The following CLIP1 variants were observed in gnomAD, a reference collection of about 807,000 sequenced individuals.
CLIP1 encodes CAP-Gly domain-containing linker protein 1.
CLIP1 carries 66 observed loss-of-function variants against 161.6 expected under a neutral mutation model. That is an observed-to-expected ratio of 0.41 (90% confidence interval 0.33 to 0.50). CLIP1 has a LOEUF of 0.50. Ranked by LOEUF, CLIP1 falls within the 20% of genes least tolerant of loss-of-function variation. The pLI, the probability that CLIP1 is intolerant of heterozygous loss-of-function variation, is 0.27. For missense variants in CLIP1, 1,376 were observed against 1,702.0 expected, an observed-to-expected ratio of 0.81 and a Z score of 3.37; for synonymous variants, 598 against 626.2, an observed-to-expected ratio of 0.96 and a Z score of 0.67.
At position 122,380,415 on chromosome 12, in the gene CLIP1, G is replaced by A. The variant is rs759464386; in HGVS notation, c.38C>T (p.Thr13Ile). Residue 13 changes from threonine to isoleucine, a missense_variant, in exon 2 of 26, where the codon ACC becomes ATC. Thr to Ile is a moderately conservative substitution (Grantham distance 89). Around this residue, in one of 6 missense-constraint regions of CLIP1, gnomAD observed 66 missense variants for 67.8 expected, o/e 0.97. Coordinates refer to ENST00000620786, the MANE Select transcript of CLIP1 (RefSeq NM_001247997.2). Reference sequence around the variant, plus strand: ...TGTGCTTCCAGGCTTCAGGATCTTGGTGGGGGCCTTAAGCCCACTTGGCTT... The same window carrying A: ...TGTGCTTCCAGGCTTCAGGATCTTGATGGGGGCCTTAAGCCCACTTGGCTT... ...MLKPSGLKAP[T>I]KILKPGSTAL... is the part of the protein sequence containing the mutation. 1 of 1,613,706 alleles carries A rather than the reference G, an allele frequency of 6.2e-7. No homozygotes were observed. The highest frequency in any genetic ancestry group is 1.7e-5 in the Admixed American group (1 of 59,956).
At chr12:122,405,714 G>A (rs1001577586) in intron 1 of CLIP1, among the ~76,000 whole-genome samples, 1 of 151,528 alleles carries the variant, frequency 6.6e-6, no homozygotes, top group Non-Finnish European at 1.5e-5. Flanking sequence ...CTTGAGCAAG[G>A]GAGGCAGAGG....
chr12:122,322,551 C>T (rs778929092), intron 17 of CLIP1: 2 of 152,634 alleles, frequency 1.3e-5, no homozygotes, highest in Non-Finnish European at 2.9e-5. Context: ...TCCTTCTCCT[C>T]GATTATCTCT....
At chr12:122,334,172 G>T in intron 13 of CLIP1, 62 bp from the exon 14 acceptor site, 1 of 1,038,516 alleles carries the variant, frequency 9.6e-7, no homozygotes, top group Non-Finnish European at 1.5e-6. Flanking sequence ...TCTGGAGCTT[G>T]GCTGTCTTAC....
At chr12:122,420,086 A>T (rs957836940) in intron 1 of CLIP1, among the ~76,000 whole-genome samples, 8 of 151,954 alleles carry the variant, frequency 5.3e-5, no homozygotes, top group African/African-American at 1.9e-4. Flanking sequence ...TCACACCTAT[A>T]ATCCCAGCAC....
chr12:122,279,067 G>C lies in CLIP1; in HGVS notation c.3726C>G (p.Leu1242=). 1.2e-6 allele frequency: 2 copies of C among 1,613,470 alleles called. No individual in the cohort carries two copies. The highest frequency in any genetic ancestry group is 8.5e-7 in the Non-Finnish European group (1 of 1,179,888). The change falls in exon 22 of 26, where the codon CTC becomes CTG. Residue 1242 remains leucine, a synonymous_variant. Transcript: ENST00000620786. This position sits in a 1 kb window ranked among gnomAD's most constrained non-coding sequence, Gnocchi z 4.5. ...TCTCCAGCTCGGCATCCTTTTCTGT[G>C]AGTAAGGCACTAGTTATACTGATGG... ...QKSISITSAL[L]TEKDAELEKL...
intron 1 of CLIP1, among the ~76,000 whole-genome samples, chr12:122,421,911 T>C (rs749002085): frequency 2.6e-5 from 4 of 152,226 alleles, no homozygotes; most frequent in Non-Finnish European, 5.9e-5. Context: ...AGCGGTGTGA[T>C]TTCGGAAACC....
rs1473646178 is a variant in CLIP1 at position 122,291,037 on chromosome 12, C to T, written c.3595-2496G>A. 4.6e-5 allele frequency among the ~76,000 whole-genome samples: 7 copies of T among 151,542 alleles called. No individual in the cohort carries two copies. The East Asian group carries it at 5.8e-4, about 13-fold the overall frequency. On this transcript the variant is annotated intron_variant, in intron 20 of 25. Coordinates refer to ENST00000620786, the MANE Select transcript of CLIP1 (RefSeq NM_001247997.2). The stretch of plus-strand genomic sequence containing the variant: ...CCTCCTAAGTAGCTGGGATTACAGG[C>T]GCTGCCACCATGCCTGGATCATTTT...
At chr12:122,317,481 G>A (rs909355596) in intron 18 of CLIP1, among the ~76,000 whole-genome samples, 2 of 152,190 alleles carry the variant, frequency 1.3e-5, no homozygotes, top group African/African-American at 4.8e-5. Flanking sequence ...GCAGCCAGCT[G>A]AGGGCCTGGC....
intron 8 of CLIP1, 71 bp downstream of exon 8, chr12:122,352,655 G>C: frequency 7.6e-7 from 1 of 1,313,786 alleles, no homozygotes; most frequent in Non-Finnish European, 1.1e-6. Flanking sequence ...CATTTCAATT[G>C]GTGCATTATT....
intron 20 of CLIP1, among the ~76,000 whole-genome samples, chr12:122,303,093 T>G (rs892250291): frequency 1.1e-4 from 16 of 152,230 alleles, no homozygotes; most frequent in Non-Finnish European, 1.6e-4. Flanking sequence ...TATTTAGTAG[T>G]CTTGATCTGG....
chr12:122,306,196 T>G (rs1189016410), intron 20 of CLIP1, among the ~76,000 whole-genome samples: 2 of 151,998 alleles, frequency 1.3e-5, no homozygotes, highest in African/African-American at 4.8e-5. Context: ...CGAACTGGCT[T>G]CCTTGGTCCT....
intron 20 of CLIP1, among the ~76,000 whole-genome samples, chr12:122,293,080 C>CCAATAAAA: frequency 6.7e-6 from 1 of 149,402 alleles, no homozygotes; most frequent in African/African-American, 2.5e-5. Flanking sequence ...CAAAACACAA[C>CCAATAAAA]CCAATAAAGA....
chr12:122,282,454 C>T (rs1175612590), intron 21 of CLIP1, among the ~76,000 whole-genome samples: 1 of 152,080 alleles, frequency 6.6e-6, no homozygotes, highest in African/African-American at 2.4e-5. Flanking sequence ...AACATTTTAC[C>T]CAGATTCTTT....
intron 11 of CLIP1, among the ~76,000 whole-genome samples, chr12:122,340,323 C>A (rs1952441451): frequency 6.6e-6 from 1 of 152,182 alleles, no homozygotes; most frequent in Admixed American, 6.5e-5. Context: ...CAGGTGATCA[C>A]CTGCCTCAGC....
intron 3 of CLIP1, among the ~76,000 whole-genome samples, chr12:122,366,545 A>C (rs1954180780): frequency 6.6e-6 from 1 of 152,072 alleles, no homozygotes; most frequent in Non-Finnish European, 1.5e-5. Flanking sequence ...CAACTATTAA[A>C]ATTATCCTTC....
At chr12:122,372,212 G>A (rs2136710380) in intron 3 of CLIP1, among the ~76,000 whole-genome samples, 1 of 152,132 alleles carries the variant, frequency 6.6e-6, no homozygotes, top group East Asian at 1.9e-4. Flanking sequence ...CCTGAGGTCA[G>A]GAGTTCAAGA....
At chr12:122,344,439 A>G (rs1952651306) in intron 10 of CLIP1, among the ~76,000 whole-genome samples, 1 of 85,778 alleles carries the variant, frequency 1.2e-5, no homozygotes, top group Non-Finnish European at 2.5e-5. Context: ...TGCTAAATAA[A>G]AGAAAAAAAA....
intron 19 of CLIP1, among the ~76,000 whole-genome samples, chr12:122,312,674 T>C (rs773772364): frequency 9.2e-5 from 14 of 151,982 alleles, no homozygotes; most frequent in Non-Finnish European, 1.5e-4. Context: ...TGGGGTGGCA[T>C]GATGAATTAA....
chr12:122,356,910 G>C (rs1415261480), intron 5 of CLIP1, among the ~76,000 whole-genome samples: 1 of 152,258 alleles, frequency 6.6e-6, no homozygotes, highest in Non-Finnish European at 1.5e-5. Context: ...GAGGTGCCGA[G>C]ATTGCAGACG....
Sources: allele counts gnomAD v4.1 joint callset (sites outside exome capture counted in the v4.1 genomes callset), GRCh38; gene constraint gnomAD v4.1.1; regional missense constraint gnomAD v4.1.1; non-coding constraint Gnocchi (gnomAD v3.1); transcripts MANE v1.5; gene names NCBI Gene and HGNC (gene_info 2026-07-23, HGNC 2026-07-21).